RADIL: variants seen among roughly 807,000 people sequenced by gnomAD.
The protein encoded by RADIL is Rap associating with DIL domain.
Under a neutral mutation model 97.6 loss-of-function variants are expected in RADIL, and 99 were observed. The observed-to-expected ratio is 1.01, with a 90% CI of 0.86 to 1.20. The LOEUF (loss-of-function observed/expected upper bound fraction) is 1.20, where lower values mean the gene tolerates loss of function less well. Among genes scored for constraint, RADIL ranks in the 50% most tolerant of loss-of-function variants. RADIL has a pLI of 0.00. For missense variants in RADIL, 1,765 were observed against 1,498.9 expected, an observed-to-expected ratio of 1.18 and a Z score of -2.93; for synonymous variants, 803 against 691.8, an observed-to-expected ratio of 1.16 and a Z score of -2.52.
rs762453564 is a variant in RADIL, at chr7:4,799,349, G to A, written c.*29C>T. On this transcript the variant is annotated 3_prime_UTR_variant, in exon 15 of 15. Coordinates refer to ENST00000399583, the MANE Select transcript of RADIL (RefSeq NM_018059.5). The stretch of plus-strand genomic sequence containing the variant: ...GTGTCACCAGGTGGGACCGGGTGCC[G>A]GGCCTGTGGGGGTGTCCTCGCAGCC... 3.0e-5 allele frequency: 48 copies of A among 1,607,148 alleles called. No individual in the cohort carries two copies. The highest frequency in any genetic ancestry group is 4.0e-5 in the African/African-American group (3 of 74,864).
chr7:4,827,362 CA>C (rs75389601), intron 5 of RADIL, among the ~76,000 whole-genome samples: 6,434 of 107,028 alleles, frequency 0.06, 480 homozygotes, highest in African/African-American at 0.19. Context: ...GAGACTGTCT[CA>C]AAAAAAAAAA....
Position 4,798,845 on chromosome 7 carries a change from G to A in RADIL, c.*533C>T, listed in dbSNP as rs73307314. The A allele has an allele frequency of 0.051, 8,275 of 161,396 alleles. 409 individuals carry two copies. Among genetic ancestry groups the A allele is most frequent in the African/African-American group, 0.13 (5,472 of 41,616 alleles). 10.0% of individuals were successfully genotyped at this position (161,396 alleles called of 1,614,324 possible). A position where few individuals can be genotyped will look rare whatever the true frequency, so the allele number is the denominator to read the frequency against. ...TAGACCTTTCTCTGGGGCCTGTGCT[G>A]AGCAGCGGGATCAGAAGTCCAGCAT... On this transcript the variant is annotated 3_prime_UTR_variant, in exon 15 of 15. Transcript: ENST00000399583.
At position 4,854,673 on chromosome 7, in the gene RADIL, G is replaced by A. The variant is rs1173415763; in HGVS notation, c.536-18068C>T. 4.6e-5 allele frequency among the ~76,000 whole-genome samples: 7 copies of A among 152,178 alleles called. No individual in the cohort carries two copies. The highest frequency in any genetic ancestry group is 8.8e-5 in the Non-Finnish European group (6 of 68,042). ...GGCGCCACCGCACTCCACCCTGGGCGACAGAGCGAGACTCCGTATCAAAAC... is the reference window on the plus strand; with the variant it reads ...GGCGCCACCGCACTCCACCCTGGGCAACAGAGCGAGACTCCGTATCAAAAC... On this transcript the variant is annotated intron_variant, in intron 2 of 14. Transcript: ENST00000399583. This position sits in a 1 kb window ranked among gnomAD's most constrained non-coding sequence, Gnocchi z 5.1.
At chr7:4,802,901 G>A (rs113922900) in intron 11 of RADIL, among the ~76,000 whole-genome samples, 2 of 118,204 alleles carry the variant, frequency 1.7e-5, no homozygotes, top group Non-Finnish European at 3.4e-5. Flanking sequence ...CCCCCTCCCC[G>A]GGCACCTCGG....
Position 4,834,057 on chromosome 7 carries a change from TGA to T in RADIL, c.1416+548_1416+549del, listed in dbSNP as rs1380857486. ...GCCACAGTGTCCACAGGGCCGGGGA[TGA>T]GAGAGGCTGGCCTGGAGGAAAGTTC... On this transcript the variant is annotated intron_variant, in intron 4 of 14. Coordinates refer to ENST00000399583, the MANE Select transcript of RADIL (RefSeq NM_018059.5). This position sits in a 1 kb window ranked among gnomAD's most constrained non-coding sequence, Gnocchi z 6.0. 6.6e-6 allele frequency among the ~76,000 whole-genome samples: 1 copy of T among 152,068 alleles called. No individual in the cohort carries two copies. Among genetic ancestry groups the T allele is most frequent in the African/African-American group, 2.4e-5 (1 of 41,390 alleles).
intron 10 of RADIL, 193 bp from the exon 11 acceptor site, chr7:4,803,947 C>T (rs1339519784): frequency 1.2e-5 from 8 of 679,666 alleles, no homozygotes; most frequent in Non-Finnish European, 1.6e-5. Context: ...TCTGAATTCC[C>T]GCCGACCACC....
chr7:4,800,252 G>A lies in RADIL; in HGVS notation c.2901C>T (p.Ser967=). 6.4e-7 allele frequency: 1 copy of A among 1,567,484 alleles called. No homozygotes were observed. Among genetic ancestry groups the A allele is most frequent in the South Asian group, 1.2e-5 (1 of 83,060 alleles). Residue 967 remains serine, a synonymous_variant, in exon 13 of 15, where the codon AGC becomes AGT. Coordinates refer to ENST00000399583, the MANE Select transcript of RADIL (RefSeq NM_018059.5). ...SPPAPSSRSS[S]TEDFCYVFTV... ...TGAAGACGTAGCAGAAGTCCTCGGT[G>A]CTGGAGCTGCGGCTGGACGGGGCTG... is the stretch of plus-strand genomic sequence containing the variant.
rs1782658532 is a variant in RADIL, at chr7:4,815,666, G to A, written c.1967-216C>T. On this transcript the variant is annotated intron_variant, in intron 8 of 14. Transcript: ENST00000399583. The surrounding 1 kb of genome is among the most constrained non-coding windows in gnomAD (Gnocchi z 8.0). ...TACGGTGGGAGGTGAACGTAGCAGGGCAGGGTGGGCTGTGACTGCCGCTGA... is the reference window on the plus strand; with the variant it reads ...TACGGTGGGAGGTGAACGTAGCAGGACAGGGTGGGCTGTGACTGCCGCTGA... Among the ~76,000 whole-genome samples the A allele has an allele frequency of 6.6e-6, 1 of 152,128 alleles. No individual in the cohort carries two copies. The highest frequency in any genetic ancestry group is 2.4e-5 in the African/African-American group (1 of 41,436).
chr7:4,809,879 G>T (rs964198022), intron 9 of RADIL, among the ~76,000 whole-genome samples: 9 of 152,002 alleles, frequency 5.9e-5, no homozygotes, highest in Non-Finnish European at 1.2e-4. Context: ...TAGAGACAGC[G>T]TCTTGCTCTG....
chr7:4,836,990 GA>G (rs987342504), intron 2 of RADIL, among the ~76,000 whole-genome samples: 3 of 152,090 alleles, frequency 2.0e-5, no homozygotes, highest in Admixed American at 1.3e-4. Flanking sequence ...GGGTCCTTCT[GA>G]GTTCAAATCC....
chr7:4,860,197 T>A, intron 2 of RADIL: 1 of 1,614,050 alleles, frequency 6.2e-7, no homozygotes, highest in Non-Finnish European at 8.5e-7. Context: ...TGCTAGTAGA[T>A]GAAGGCACAG....
At chr7:4,831,334 G>C (rs931897107) in intron 5 of RADIL, among the ~76,000 whole-genome samples, 3 of 151,904 alleles carry the variant, frequency 2.0e-5, no homozygotes, top group Admixed American at 6.6e-5. Context: ...TAAATGATGA[G>C]AACACATGGA....
intron 2 of RADIL, among the ~76,000 whole-genome samples, chr7:4,856,414 G>C (rs576809523): frequency 1.3e-5 from 2 of 152,276 alleles, no homozygotes; most frequent in South Asian, 4.1e-4. Context: ...CCGGCCTGTT[G>C]ATCTTTAAAA....
chr7:4,842,905 C>T lies in RADIL; in HGVS notation c.536-6300G>A, dbSNP rs539254745. 1.1e-4 allele frequency among the ~76,000 whole-genome samples: 17 copies of T among 151,978 alleles called. No individual in the cohort carries two copies. Among genetic ancestry groups the T allele is most frequent in the Admixed American group, 3.9e-4 (6 of 15,278 alleles). ...CTGGAGTGCAGTGTGGATTCACAGG[C>T]GTGGTCACCATAATACCCTGCAGCC... On this transcript the variant is annotated intron_variant, in intron 2 of 14. Coordinates refer to ENST00000399583, the MANE Select transcript of RADIL (RefSeq NM_018059.5). This position sits in a 1 kb window ranked among gnomAD's most constrained non-coding sequence, Gnocchi z 4.5.
chr7:4,841,284 T>C (rs1437165761), intron 2 of RADIL, among the ~76,000 whole-genome samples: 1 of 152,214 alleles, frequency 6.6e-6, no homozygotes, highest in Non-Finnish European at 1.5e-5. Flanking sequence ...CTGAGTTCAC[T>C]GGGATCAGAG....
At chr7:4,876,259 G>C (rs906700288) in intron 2 of RADIL, among the ~76,000 whole-genome samples, 3 of 152,136 alleles carry the variant, frequency 2.0e-5, no homozygotes, top group African/African-American at 7.2e-5. Flanking sequence ...AAAGTGTTGA[G>C]ATTACAGGTG....
rs957591584 is a variant in RADIL at position 4,815,240 on chromosome 7, C to T, written c.2139+38G>A. 8.7e-6 allele frequency: 13 copies of T among 1,489,590 alleles called. No individual in the cohort carries two copies. The highest frequency in any genetic ancestry group is 1.2e-5 in the Non-Finnish European group (13 of 1,114,630). 92.3% of individuals were successfully genotyped at this position (1,489,590 alleles called of 1,614,324 possible). A position where few individuals can be genotyped will look rare whatever the true frequency, so the allele number is the denominator to read the frequency against. On this transcript the variant is annotated intron_variant, in intron 9 of 14. Coordinates refer to ENST00000399583, the MANE Select transcript of RADIL (RefSeq NM_018059.5). The surrounding 1 kb of genome is among the most constrained non-coding windows in gnomAD (Gnocchi z 8.0). ...AGGGACCCACAGCATGTGGCCCCGCCCCTCCCCACACTCGCCGCCTCCCAT... is the reference window on the plus strand; with the variant it reads ...AGGGACCCACAGCATGTGGCCCCGCTCCTCCCCACACTCGCCGCCTCCCAT...
rs1301742281 is a variant in RADIL at position 4,840,260 on chromosome 7, A to G, written c.536-3655T>C. ...TGCAATCGTGCCCTGTTTGTGCCTG[A>G]CCTGATACAGCTTCGTCACCTGAGT... On this transcript the variant is annotated intron_variant, in intron 2 of 14. Coordinates refer to ENST00000399583, the MANE Select transcript of RADIL (RefSeq NM_018059.5). This position sits in a 1 kb window ranked among gnomAD's most constrained non-coding sequence, Gnocchi z 5.6. 6.6e-6 allele frequency among the ~76,000 whole-genome samples: 1 copy of G among 152,008 alleles called. No individual in the cohort carries two copies. Among genetic ancestry groups the G allele is most frequent in the African/African-American group, 2.4e-5 (1 of 41,390 alleles).
chr7:4,809,812 A>G (rs2115177484), intron 9 of RADIL, among the ~76,000 whole-genome samples: 1 of 151,970 alleles, frequency 6.6e-6, no homozygotes, highest in African/African-American at 2.4e-5. Flanking sequence ...CCTCCCGAGT[A>G]GCTGGCTAAT....
Sources: gnomAD v4.1 joint callset for allele counts (sites outside exome capture counted in the v4.1 genomes callset) on GRCh38, gnomAD v4.1.1 for gene constraint, Gnocchi (gnomAD v3.1) non-coding constraint, MANE v1.5 for transcripts, NCBI Gene and HGNC (gene_info 2026-07-23, HGNC 2026-07-21) for gene names.